Variants in NREP observed in about 807,000 individuals in gnomAD.
NREP encodes the protein neuronal regeneration related protein.
A neutral mutation model predicts 8.6 loss-of-function variants in NREP; 5 were observed. That is an observed-to-expected ratio of 0.58 (90% CI 0.30 to 1.22). NREP has a LOEUF of 1.22. NREP is among the 50% of genes most tolerant of loss of function. The probability of loss-of-function intolerance (pLI) is 0.07; values close to 1 mark genes in which losing one functional copy is unlikely to be tolerated. For missense variants in NREP, 86 were observed against 82.5 expected (o/e 1.04, Z -0.17); for synonymous variants, 27 against 28.0 (o/e 0.96, Z 0.11).
intron 2 of NREP, among the ~76,000 whole-genome samples, chr5:111,842,990 C>T (rs1753068426): frequency 6.6e-6 from 1 of 152,040 alleles, no homozygotes; most frequent in South Asian, 2.1e-4. Flanking sequence ...CTGTCTTTGG[C>T]AAAAAAGTTT....
chr5:111,904,483 A>G (rs1253363462), intron 2 of NREP, among the ~76,000 whole-genome samples: 1 of 152,110 alleles, frequency 6.6e-6, no homozygotes, highest in Non-Finnish European at 1.5e-5. Context: ...CCTTTTCCAG[A>G]ATGTCATATC....
chr5:111,875,841 G>T (rs1458686881), intron 2 of NREP, among the ~76,000 whole-genome samples: 1 of 152,132 alleles, frequency 6.6e-6, no homozygotes, highest in Admixed American at 6.6e-5. Context: ...AAAGAGTGAG[G>T]TTAAGAGCAG....
At chr5:111,789,353 T>C (rs1317918546) in intron 2 of NREP, among the ~76,000 whole-genome samples, 1 of 152,230 alleles carries the variant, frequency 6.6e-6, no homozygotes, top group Non-Finnish European at 1.5e-5. Flanking sequence ...TAATGATGCA[T>C]GCGGAAGTTT....
chr5:111,792,801 T>C (rs1751781450), intron 2 of NREP, among the ~76,000 whole-genome samples: 1 of 152,220 alleles, frequency 6.6e-6, no homozygotes, highest in South Asian at 2.1e-4. Context: ...TTATTTCTGC[T>C]GGTGATTCAA....
chr5:111,743,262 A>C (rs1004639521), intron 2 of NREP, among the ~76,000 whole-genome samples: 2 of 144,186 alleles, frequency 1.4e-5, no homozygotes, highest in Non-Finnish European at 3.1e-5. Context: ...CTCTTTAGTG[A>C]AGAAAAAAAA....
At chr5:111,853,874 C>T (rs180740160) in intron 2 of NREP, among the ~76,000 whole-genome samples, 1 of 152,250 alleles carries the variant, frequency 6.6e-6, no homozygotes, top group African/African-American at 2.4e-5. Flanking sequence ...ATGGAAGCTG[C>T]TCTTTTCTCC....
At chr5:111,975,472 C>G in intron 1 of NREP, 2 of 779,152 alleles carry the variant, frequency 2.6e-6, no homozygotes, top group Non-Finnish European at 4.3e-6. Flanking sequence ...GGAGAATGGG[C>G]ATTGTTCTCA....
At chr5:111,937,255 T>G (rs140781266) in intron 2 of NREP, among the ~76,000 whole-genome samples, 119 of 152,216 alleles carry the variant, frequency 7.8e-4, no homozygotes, top group African/African-American at 2.6e-3. Flanking sequence ...AGCAGATAAG[T>G]GTAACACCCT....
intron 2 of NREP, among the ~76,000 whole-genome samples, chr5:111,813,647 T>A (rs907705934): frequency 6.6e-6 from 1 of 152,166 alleles, no homozygotes; most frequent in Non-Finnish European, 1.5e-5. Context: ...TTAAGTAATA[T>A]ATGGATCATA....
chr5:111,790,347 CTTTTTTTTTTTTTTTTTT>C lies in NREP; in HGVS notation c.136-54858_136-54841del, dbSNP rs57775701. On this transcript the variant is annotated intron_variant, in intron 2 of 3. Coordinates refer to the NREP transcript ENST00000395634. ...TCACCCTATACTTCAAAAACCTTAA[CTTTTTTTTTTTTTTTTTT>C]TTTTTTTTTTTTTTTTGTATTCATC... 1.8e-3 allele frequency among the ~76,000 whole-genome samples: 107 copies of C among 59,654 alleles called. 1 individual carries two copies. The highest frequency in any genetic ancestry group is 6.6e-3 in the Admixed American group (22 of 3,334). The allele number at this position is 59,654 out of a possible 152,430, so 39.1% of individuals were successfully genotyped here.
At chr5:111,770,554 C>A in intron 2 of NREP, among the ~76,000 whole-genome samples, 1 of 73,626 alleles carries the variant, frequency 1.4e-5, no homozygotes, top group African/African-American at 5.0e-5. Flanking sequence ...GAATTATTTC[C>A]TTTTTTTTTT....
chr5:111,865,521 C>T (rs762507775), intron 2 of NREP, among the ~76,000 whole-genome samples: 35 of 152,134 alleles, frequency 2.3e-4, no homozygotes, highest in Non-Finnish European at 2.1e-4. Context: ...TGAATCACCT[C>T]GCCCAGTATT....
At chr5:111,902,794 C>T (rs374059436) in intron 2 of NREP, among the ~76,000 whole-genome samples, 12 of 152,086 alleles carry the variant, frequency 7.9e-5, no homozygotes, top group African/African-American at 1.9e-4. Context: ...AGAGCAATCT[C>T]GTGAGAGTTT....
intron 2 of NREP, among the ~76,000 whole-genome samples, chr5:111,751,168 A>G (rs1409673636): frequency 6.6e-6 from 1 of 152,236 alleles, no homozygotes; most frequent in Non-Finnish European, 1.5e-5. Flanking sequence ...CAAGCACTAT[A>G]TGAAGTTTAT....
chr5:111,956,963 C>CTAAATAAATAAATAAA (rs10665112), intron 2 of NREP, among the ~76,000 whole-genome samples: 144 of 142,902 alleles, frequency 1.0e-3, no homozygotes, highest in East Asian at 2.7e-3. Context: ...GACCATGTCT[C>CTAAATAAATAAATAAA]TAAATAAATA....
At chr5:111,745,932 GC>G (rs1749973039) in intron 2 of NREP, among the ~76,000 whole-genome samples, 1 of 152,092 alleles carries the variant, frequency 6.6e-6, no homozygotes, top group African/African-American at 2.4e-5. Context: ...TGCAGATGGG[GC>G]AACAAACTAA....
chr5:111,806,624 T>C (rs1047532392), intron 2 of NREP, among the ~76,000 whole-genome samples: 5 of 152,220 alleles, frequency 3.3e-5, no homozygotes, highest in Non-Finnish European at 7.3e-5. Context: ...GATTTATTGA[T>C]CAAACATGAG....
chr5:111,836,909 T>A (rs1752909378), intron 2 of NREP, among the ~76,000 whole-genome samples: 1 of 152,112 alleles, frequency 6.6e-6, no homozygotes, highest in African/African-American at 2.4e-5. Context: ...CACAAAACAC[T>A]CTTTCCACCC....
intron 2 of NREP, among the ~76,000 whole-genome samples, chr5:111,902,403 T>A (rs1754668572): frequency 6.6e-6 from 1 of 152,164 alleles, no homozygotes; most frequent in African/African-American, 2.4e-5. Flanking sequence ...AGATCAGAAC[T>A]TTCAATGGAA....
Sources: allele counts gnomAD v4.1 joint callset (sites outside exome capture counted in the v4.1 genomes callset), GRCh38; gene constraint gnomAD v4.1.1; transcripts MANE v1.5; gene names NCBI Gene and HGNC (gene_info 2026-07-23, HGNC 2026-07-21).